Variants in PDE11A observed in about 807,000 individuals in gnomAD.
The protein encoded by PDE11A is phosphodiesterase 11A.
A neutral mutation model predicts 100.5 loss-of-function variants in PDE11A; 100 were observed. That is an observed-to-expected ratio of 1.00 (90% CI 0.85 to 1.18). The LOEUF (loss-of-function observed/expected upper bound fraction) is 1.18. PDE11A is among the 50% of genes most tolerant of loss of function. The pLI, the probability that PDE11A is intolerant of heterozygous loss-of-function variation, is 0.00. For synonymous variants in PDE11A, 381 were observed against 420.8 expected, an observed-to-expected ratio of 0.91 and a Z score of 1.16; for missense variants, 1,141 against 1,152.6, an observed-to-expected ratio of 0.99 and a Z score of 0.15.
intron 4 of PDE11A, among the ~76,000 whole-genome samples, chr2:177,888,135 G>A (rs1052599143): frequency 5.3e-5 from 8 of 152,178 alleles, no homozygotes; most frequent in Non-Finnish European, 8.8e-5. Context: ...GAGTTTTCAT[G>A]GAATTTGCTA....
chr2:177,881,343 C>CTATT (rs1380499360), intron 4 of PDE11A, among the ~76,000 whole-genome samples: 8 of 94,572 alleles, frequency 8.5e-5, no homozygotes, highest in Admixed American at 4.8e-4. Context: ...ATCTATCTGT[C>CTATT]TATCTATCTA....
At chr2:177,788,903 T>C (rs1282671674) in intron 9 of PDE11A, among the ~76,000 whole-genome samples, 2 of 151,988 alleles carry the variant, frequency 1.3e-5, no homozygotes, top group East Asian at 3.9e-4. Flanking sequence ...ATCAATAGCT[T>C]ACCAAACAAA....
intron 5 of PDE11A, among the ~76,000 whole-genome samples, chr2:177,850,078 T>A (rs906318261): frequency 6.6e-6 from 1 of 152,102 alleles, no homozygotes; most frequent in African/African-American, 2.4e-5. Context: ...CATTGCCAAG[T>A]CAATCCTAAG....
intron 18 of PDE11A, among the ~76,000 whole-genome samples, chr2:177,668,025 CA>C (rs2080615686): frequency 1.3e-5 from 2 of 152,176 alleles, no homozygotes; most frequent in East Asian, 3.8e-4. Context: ...CTAACCCTGC[CA>C]CATCAGCCAG....
upstream of PDE11A, among the ~76,000 whole-genome samples, chr2:178,074,800 C>T (rs569423362): frequency 2.0e-5 from 3 of 152,238 alleles, no homozygotes; most frequent in Admixed American, 6.5e-5. Flanking sequence ...TTTCGAGCTG[C>T]GTTTTGAATC....
intron 2 of PDE11A, among the ~76,000 whole-genome samples, chr2:178,101,894 A>C (rs1394105901): frequency 6.6e-6 from 1 of 152,168 alleles, no homozygotes; most frequent in African/African-American, 2.4e-5. Flanking sequence ...ACAAATATTA[A>C]ATTTTATTCA....
intron 6 of PDE11A, among the ~76,000 whole-genome samples, chr2:177,829,141 C>A (rs1242154758): frequency 6.6e-6 from 1 of 151,732 alleles, no homozygotes. Flanking sequence ...CATAAGCATC[C>A]TGAAGGATTG....
chr2:177,878,285 C>T (rs1018788398), intron 4 of PDE11A, among the ~76,000 whole-genome samples: 1 of 152,156 alleles, frequency 6.6e-6, no homozygotes, highest in Non-Finnish European at 1.5e-5. Flanking sequence ...TCTTCTCTTC[C>T]ATGTAACCCT....
At chr2:178,014,929 G>T (rs2105827782) in intron 1 of PDE11A, among the ~76,000 whole-genome samples, 1 of 151,858 alleles carries the variant, frequency 6.6e-6, no homozygotes, top group African/African-American at 2.4e-5. Flanking sequence ...CTCCCAAAAA[G>T]ATGTGGGGTA....
rs563548902 is a variant in PDE11A at position 177,663,883 on chromosome 2, A to C, written c.2629T>G (p.Cys877Gly). Residue 877 changes from cysteine (C) to glycine (G), a missense_variant, in exon 19 of 20, where the codon TGC becomes GGC. By Grantham distance (159) the Cys-to-Gly change is radical. Transcript: ENST00000286063. Reference sequence around the variant, plus strand: ...CAAAGTACCTGATACAAAGGCATGCAGATGCTATCAATCCACTCCAGTTGC... The same window carrying C: ...CAAAGTACCTGATACAAAGGCATGCCGATGCTATCAATCCACTCCAGTTGC... ...RLQLEWIDSI[C>G]MPLYQALVKV... The C allele has an allele frequency of 6.3e-7, 1 of 1,596,032 alleles. No individual in the cohort carries two copies. Among genetic ancestry groups the C allele is most frequent in the South Asian group, 1.1e-5 (1 of 90,730 alleles).
At chr2:177,939,516 GA>G (rs1361673368) in intron 2 of PDE11A, among the ~76,000 whole-genome samples, 1 of 96,874 alleles carries the variant, frequency 1.0e-5, no homozygotes, top group Non-Finnish European at 2.2e-5. Context: ...GGGAGGGAGG[GA>G]AGGGAGGGAG....
At chr2:177,769,395 T>A (rs990962957) in intron 9 of PDE11A, 22 bp from the exon 10 acceptor site, 4 of 1,395,236 alleles carry the variant, frequency 2.9e-6, no homozygotes, top group Non-Finnish European at 4.1e-6. Context: ...GAAAAAAAAA[T>A]AATTTTAATA....
intron 12 of PDE11A, among the ~76,000 whole-genome samples, chr2:177,719,465 T>C (rs755373677): frequency 5.9e-5 from 9 of 152,094 alleles, no homozygotes; most frequent in Non-Finnish European, 1.3e-4. Flanking sequence ...ATATGATAGA[T>C]TTTGGAGAGT....
chr2:177,635,695 A>G (rs1435481010), intron 19 of PDE11A, among the ~76,000 whole-genome samples: 1 of 152,176 alleles, frequency 6.6e-6, no homozygotes, highest in African/African-American at 2.4e-5. Flanking sequence ...AGATGTTTTC[A>G]GTGTCTTGAG....
rs2083456730 is a variant in PDE11A, at chr2:177,839,637, AC to A, written c.1500+613del. Among the ~76,000 whole-genome samples the A allele has an allele frequency of 2.6e-5, 4 of 152,142 alleles. No homozygotes were observed. In the East Asian group the frequency reaches 7.7e-4, roughly 29 times the overall value. On this transcript the variant is annotated intron_variant, in intron 6 of 19. Transcript: ENST00000286063. ...AACACACATCTCCTTACCCTTCCTC[AC>A]CAAAAAAATGCCTCCTACTCTTCAG...
chr2:177,713,034 A>C (rs907697633), intron 12 of PDE11A, among the ~76,000 whole-genome samples: 14 of 151,940 alleles, frequency 9.2e-5, no homozygotes, highest in African/African-American at 3.4e-4. Context: ...TTTAGGAGAC[A>C]GTCTTGTTCT....
intron 4 of PDE11A, among the ~76,000 whole-genome samples, chr2:177,882,589 A>G (rs1458706405): frequency 6.6e-6 from 1 of 152,222 alleles, no homozygotes; most frequent in African/African-American, 2.4e-5. Context: ...AGAGAATCTT[A>G]TAAGGGAAAT....
intron 2 of PDE11A, chr2:177,998,000 A>T: frequency 1.6e-6 from 2 of 1,218,046 alleles, no homozygotes; most frequent in East Asian, 4.7e-5. Flanking sequence ...TATGTCACAG[A>T]CCTTGTGGAA....
intron 1 of PDE11A, among the ~76,000 whole-genome samples, chr2:178,045,779 A>T (rs1256736111): frequency 6.6e-6 from 1 of 152,244 alleles, no homozygotes; most frequent in African/African-American, 2.4e-5. Flanking sequence ...ATCTTCGCAC[A>T]AAAATAATCA....
Sources: allele counts gnomAD v4.1 joint callset (sites outside exome capture counted in the v4.1 genomes callset), GRCh38; gene constraint gnomAD v4.1.1; transcripts MANE v1.5; gene names NCBI Gene and HGNC (gene_info 2026-07-23, HGNC 2026-07-21).